Variants in GTF2A1L observed in about 807,000 individuals in gnomAD.
GTF2A1L encodes the protein general transcription factor IIA subunit 1 like, also known as TFIIA-alpha and beta-like factor.
A neutral mutation model predicts 49.7 loss-of-function variants in GTF2A1L; 48 were observed. The observed-to-expected ratio is 0.97, with a 90% CI of 0.77 to 1.23. The LOEUF is 1.23. Among genes scored for constraint, GTF2A1L ranks in the 50% most tolerant of loss-of-function variants. The pLI, the probability that GTF2A1L is intolerant of heterozygous loss-of-function variation, is 0.00. For synonymous variants in GTF2A1L, 246 were observed against 193.5 expected (o/e 1.27, Z -2.25); for missense variants, 736 against 564.8 (o/e 1.30, Z -3.07).
intron 1 of GTF2A1L, among the ~76,000 whole-genome samples, chr2:48,619,709 T>C (rs1171294555): frequency 1.3e-5 from 2 of 152,210 alleles, no homozygotes; most frequent in Non-Finnish European, 1.5e-5. Context: ...TAAGTCAGTA[T>C]TGTCAGCACA....
chr2:48,669,610 GA>G, intron 6 of GTF2A1L, 111 bp from the exon 7 acceptor site: 3 of 1,291,706 alleles, frequency 2.3e-6, no homozygotes, highest in Non-Finnish European at 3.1e-6. Flanking sequence ...TCATAAGAGA[GA>G]AGTTTGCTTG....
chr2:48,653,859 C>G (rs1678006705), intron 6 of GTF2A1L, among the ~76,000 whole-genome samples: 3 of 147,194 alleles, frequency 2.0e-5, no homozygotes, highest in African/African-American at 7.7e-5. Context: ...ATAGCTTGAA[C>G]CCAGTGAGCT....
At chr2:48,678,928 A>C (rs1679614585) in intron 8 of GTF2A1L, among the ~76,000 whole-genome samples, 1 of 151,534 alleles carries the variant, frequency 6.6e-6, no homozygotes, top group African/African-American at 2.4e-5. Context: ...GCCTTGCTTT[A>C]CTCCTTACCT....
At chr2:48,643,925 C>G (rs986196332) in intron 4 of GTF2A1L, among the ~76,000 whole-genome samples, 5 of 152,028 alleles carry the variant, frequency 3.3e-5, no homozygotes, top group African/African-American at 1.2e-4. Context: ...TCTCAAACTC[C>G]TGACCTCAAG....
chr2:48,653,952 C>G (rs1678021373), intron 6 of GTF2A1L, among the ~76,000 whole-genome samples: 1 of 145,532 alleles, frequency 6.9e-6, no homozygotes, highest in Non-Finnish European at 1.5e-5. Context: ...AAGAAACAGC[C>G]CCGAAAACAT....
At chr2:48,627,303 A>G (rs899208116) in intron 3 of GTF2A1L, among the ~76,000 whole-genome samples, 1 of 143,942 alleles carries the variant, frequency 6.9e-6, no homozygotes, top group Non-Finnish European at 1.6e-5. Context: ...GGAATCTGGA[A>G]CCACAAGGAA....
chr2:48,669,337 A>C (rs562995115), intron 6 of GTF2A1L, among the ~76,000 whole-genome samples: 5 of 152,100 alleles, frequency 3.3e-5, no homozygotes, highest in Non-Finnish European at 7.4e-5. Flanking sequence ...ATTTTTATTT[A>C]TCCATTAAGC....
In GTF2A1L at chr2:48,629,019, G is replaced by A. The variant is rs1444693363; in HGVS notation, c.247+7729G>A. Among the ~76,000 whole-genome samples, 4 of 143,056 alleles carry A rather than the reference G, an allele frequency of 2.8e-5. 1 individual carries two copies. Among genetic ancestry groups the A allele is most frequent in the Non-Finnish European group, 6.3e-5 (4 of 63,546 alleles). The allele number at this position is 143,056 out of a possible 152,430, so 93.9% of individuals were successfully genotyped here. On this transcript the variant is annotated intron_variant, in intron 3 of 8. Coordinates refer to ENST00000403751, the MANE Select transcript of GTF2A1L (RefSeq NM_006872.5). The stretch of plus-strand genomic sequence containing the variant: ...AGCACTTTGGGAGGCCGAGGTGGGC[G>A]GATCATGAGGACAGGAGTTTGAGAC...
chr2:48,659,620 A>G (rs1040089162), intron 6 of GTF2A1L, among the ~76,000 whole-genome samples: 3 of 151,902 alleles, frequency 2.0e-5, no homozygotes, highest in Non-Finnish European at 4.4e-5. Flanking sequence ...GTGTCTTTCC[A>G]TTGATTTTTG....
intron 6 of GTF2A1L, among the ~76,000 whole-genome samples, chr2:48,660,957 G>T (rs188974181): frequency 1.3e-5 from 2 of 152,148 alleles, no homozygotes; most frequent in Non-Finnish European, 1.5e-5. Flanking sequence ...GATAATTTTA[G>T]TTGAGTCTTC....
chr2:48,639,633 G>C (rs1175625505), intron 3 of GTF2A1L, among the ~76,000 whole-genome samples: 2 of 152,028 alleles, frequency 1.3e-5, no homozygotes, highest in African/African-American at 4.8e-5. Flanking sequence ...CTTGGACATA[G>C]GAACAGGCAA....
intron 3 of GTF2A1L, among the ~76,000 whole-genome samples, chr2:48,625,016 G>A (rs1382210179): frequency 6.9e-6 from 1 of 144,054 alleles, no homozygotes; most frequent in Non-Finnish European, 1.6e-5. Context: ...ATATTGCAAT[G>A]AACTTGGAAG....
intron 6 of GTF2A1L, among the ~76,000 whole-genome samples, chr2:48,654,677 C>A (rs1011373664): frequency 6.6e-6 from 1 of 152,126 alleles, no homozygotes; most frequent in Non-Finnish European, 1.5e-5. Context: ...AGCCACCGTG[C>A]CTGGATAGCT....
At chr2:48,662,224 T>C (rs1237885852) in intron 6 of GTF2A1L, among the ~76,000 whole-genome samples, 1 of 152,234 alleles carries the variant, frequency 6.6e-6, no homozygotes, top group Non-Finnish European at 1.5e-5. Context: ...ATATTTTATT[T>C]ACACATTAAC....
intron 8 of GTF2A1L, among the ~76,000 whole-genome samples, chr2:48,675,086 G>A (rs1032862414): frequency 1.3e-5 from 2 of 152,108 alleles, no homozygotes; most frequent in African/African-American, 4.8e-5. Context: ...TGGTTGATTT[G>A]TTTCAAATAG....
chr2:48,673,831 C>G (rs1021958138), intron 8 of GTF2A1L, among the ~76,000 whole-genome samples: 1 of 152,024 alleles, frequency 6.6e-6, no homozygotes, highest in East Asian at 1.9e-4. Context: ...GAGATAAGGA[C>G]ACTTATTTTC....
At position 48,646,676 on chromosome 2, in the gene GTF2A1L, A is replaced by T. The variant is rs754498231; in HGVS notation, c.612A>T (p.Pro204=). ...LQQPAILPSG[P]VDRKHLENAT... ...AACCCGCAATTCTACCTTCTGGGCC[A>T]GTAGATAGGAAACACTTAGAAAATG... The change falls in exon 6 of 9, where the codon CCA becomes CCT. Residue 204 remains proline (P), a synonymous_variant. Coordinates refer to ENST00000403751, the MANE Select transcript of GTF2A1L (RefSeq NM_006872.5). The T allele has an allele frequency of 1.9e-6, 3 of 1,614,052 alleles. No individual in the cohort carries two copies. In the African/African-American group the frequency reaches 4.0e-5, roughly 22 times the overall value.
At chr2:48,669,192 C>T (rs1679035755) in intron 6 of GTF2A1L, among the ~76,000 whole-genome samples, 1 of 152,132 alleles carries the variant, frequency 6.6e-6, no homozygotes, top group Non-Finnish European at 1.5e-5. Context: ...TCATTCCCCT[C>T]TTCATATCCC....
chr2:48,629,969 G>A (rs1312097333), intron 3 of GTF2A1L, among the ~76,000 whole-genome samples: 2 of 143,772 alleles, frequency 1.4e-5, no homozygotes, highest in African/African-American at 4.9e-5. Context: ...CTGTTTCATT[G>A]TTCTATGTTT....
Sources: allele counts gnomAD v4.1 joint callset (sites outside exome capture counted in the v4.1 genomes callset), GRCh38; gene constraint gnomAD v4.1.1; transcripts MANE v1.5; gene names NCBI Gene and HGNC (gene_info 2026-07-23, HGNC 2026-07-21).